Variants in SGCZ observed in about 807,000 individuals in gnomAD.
The protein encoded by SGCZ is sarcoglycan zeta.
In SGCZ, 40 loss-of-function variants were observed where a neutral mutation model predicts 41.3. That is an observed-to-expected ratio of 0.97 (90% confidence interval 0.75 to 1.26). The LOEUF (loss-of-function observed/expected upper bound fraction) is 1.26, where lower values mean the gene tolerates loss of function less well. Among genes scored for constraint, SGCZ ranks in the 50% most tolerant of loss-of-function variants. The pLI is 0.00. For missense variants in SGCZ, 552 were observed against 369.8 expected, an observed-to-expected ratio of 1.49 and a Z score of -4.04; for synonymous variants, 206 against 137.5, an observed-to-expected ratio of 1.50 and a Z score of -3.49.
chr8:14,923,841 C>T (rs984657329), intron 1 of SGCZ, among the ~76,000 whole-genome samples: 1 of 152,190 alleles, frequency 6.6e-6, no homozygotes, highest in African/African-American at 2.4e-5. Flanking sequence ...AAATTACAGA[C>T]GTTCAACTGT....
chr8:14,852,864 G>C (rs1447296579), intron 1 of SGCZ, among the ~76,000 whole-genome samples: 2 of 152,070 alleles, frequency 1.3e-5, no homozygotes, highest in Non-Finnish European at 1.5e-5. Context: ...ATTGTTCCCA[G>C]AATCTCCTCG....
chr8:14,782,734 T>C (rs2130439433), intron 1 of SGCZ, among the ~76,000 whole-genome samples: 1 of 151,780 alleles, frequency 6.6e-6, no homozygotes, highest in East Asian at 1.9e-4. Context: ...CAAGGAACCT[T>C]ATACTCCAAG....
At chr8:15,115,714 G>A (rs1563134414) in intron 1 of SGCZ, among the ~76,000 whole-genome samples, 1 of 152,318 alleles carries the variant, frequency 6.6e-6, no homozygotes, top group Middle Eastern at 3.4e-3. Context: ...TTGTGCAAAT[G>A]TCTCTTTAGG....
chr8:14,363,583 G>T (rs1427070473), intron 2 of SGCZ, among the ~76,000 whole-genome samples: 1 of 151,630 alleles, frequency 6.6e-6, no homozygotes, highest in Non-Finnish European at 1.5e-5. Context: ...AATATAAATG[G>T]TCTGACACAT....
intron 1 of SGCZ, among the ~76,000 whole-genome samples, chr8:15,029,788 A>G (rs1803591862): frequency 6.6e-6 from 1 of 152,256 alleles, no homozygotes; most frequent in East Asian, 1.9e-4. Context: ...CAAAAACTTT[A>G]TAATCTATTT....
rs375250310 is a variant in SGCZ at position 14,335,274 on chromosome 8, C to T, written c.235-11070G>A. Among the ~76,000 whole-genome samples the T allele has an allele frequency of 5.3e-5, 8 of 152,166 alleles. No individual in the cohort carries two copies. The East Asian group carries it at 1.4e-3, about 26-fold the overall frequency. ...AGATCCTTCCAAACATCAAGGAGAA[C>T]CTTTCATGCAGAAATGCAATGGGTC... On this transcript the variant is annotated intron_variant, in intron 2 of 7. Transcript: ENST00000382080.
chr8:14,125,194 A>G (rs1163305053), intron 5 of SGCZ, among the ~76,000 whole-genome samples: 3 of 152,154 alleles, frequency 2.0e-5, no homozygotes, highest in Non-Finnish European at 4.4e-5. Context: ...AAGAATCACT[A>G]TTGTTGGCCA....
intron 1 of SGCZ, among the ~76,000 whole-genome samples, chr8:15,015,596 G>A (rs953049691): frequency 1.4e-5 from 2 of 146,368 alleles, no homozygotes; most frequent in East Asian, 2.1e-4. Flanking sequence ...GCTGAGGCAG[G>A]AGAATGGCGT....
Position 14,339,396 on chromosome 8 carries a change from A to G in SGCZ, c.235-15192T>C, listed in dbSNP as rs1336862331. ...TAAATGTTTAAATACAGAAACATTG[A>G]CAAAACTCTTAGGACACAAATTATG... On this transcript the variant is annotated intron_variant, in intron 2 of 7. Transcript: ENST00000382080. Among the ~76,000 whole-genome samples the G allele has an allele frequency of 2.6e-5, 4 of 152,224 alleles. No homozygotes were observed. The East Asian group carries it at 7.7e-4, about 29-fold the overall frequency.
At chr8:14,374,003 A>G (rs1804011290) in intron 2 of SGCZ, among the ~76,000 whole-genome samples, 1 of 152,186 alleles carries the variant, frequency 6.6e-6, no homozygotes, top group African/African-American at 2.4e-5. Flanking sequence ...AAATACACAG[A>G]TATATTAACG....
chr8:14,647,722 T>A (rs1237026438), intron 1 of SGCZ, among the ~76,000 whole-genome samples: 2 of 152,020 alleles, frequency 1.3e-5, no homozygotes, highest in African/African-American at 4.8e-5. Flanking sequence ...ACTAAATAAG[T>A]AAATATGTAT....
intron 1 of SGCZ, among the ~76,000 whole-genome samples, chr8:14,598,081 A>T (rs1162492990): frequency 6.6e-6 from 1 of 152,160 alleles, no homozygotes; most frequent in African/African-American, 2.4e-5. Context: ...TCTATATATG[A>T]CTACATTGGT....
chr8:14,622,350 G>A (rs192567085), intron 1 of SGCZ, among the ~76,000 whole-genome samples: 6 of 152,240 alleles, frequency 3.9e-5, no homozygotes, highest in Non-Finnish European at 2.9e-5. Flanking sequence ...TTGGGGTCAG[G>A]ACTATGTTCT....
intron 1 of SGCZ, among the ~76,000 whole-genome samples, chr8:14,753,142 T>A (rs1018122647): frequency 6.6e-6 from 1 of 152,186 alleles, no homozygotes; most frequent in African/African-American, 2.4e-5. Context: ...ATTTCTATAA[T>A]AATGGGCTCT....
intron 2 of SGCZ, among the ~76,000 whole-genome samples, chr8:14,358,504 C>G (rs909649590): frequency 6.6e-6 from 1 of 151,806 alleles, no homozygotes; most frequent in South Asian, 2.1e-4. Context: ...TGTTATATGT[C>G]AAGGAAACTA....
chr8:14,532,141 GA>G (rs1200429536), intron 2 of SGCZ, among the ~76,000 whole-genome samples: 15 of 152,058 alleles, frequency 9.9e-5, no homozygotes, highest in African/African-American at 3.6e-4. Context: ...GGCATTTTAT[GA>G]AGACCTAGAG....
chr8:14,753,352 T>C (rs911277008), intron 1 of SGCZ, among the ~76,000 whole-genome samples: 4 of 152,218 alleles, frequency 2.6e-5, no homozygotes, highest in African/African-American at 7.2e-5. Flanking sequence ...TATCTAAGGA[T>C]GCACACTTTT....
intron 1 of SGCZ, among the ~76,000 whole-genome samples, chr8:14,591,566 T>C (rs937871097): frequency 2.0e-5 from 3 of 152,110 alleles, no homozygotes; most frequent in Admixed American, 2.0e-4. Flanking sequence ...CAATATTTTA[T>C]TCTTCAAATT....
intron 1 of SGCZ, among the ~76,000 whole-genome samples, chr8:15,130,683 C>G (rs1807863177): frequency 6.6e-6 from 1 of 152,120 alleles, no homozygotes; most frequent in South Asian, 2.1e-4. Flanking sequence ...TGTGTCAATT[C>G]TGATGAAAGT....
Sources: gnomAD v4.1 joint callset for allele counts (sites outside exome capture counted in the v4.1 genomes callset) on GRCh38, gnomAD v4.1.1 for gene constraint, MANE v1.5 for transcripts, NCBI Gene and HGNC (gene_info 2026-07-23, HGNC 2026-07-21) for gene names.